Variants in PRKRIP1 observed in about 807,000 individuals in gnomAD.
PRKRIP1 encodes PRKR interacting protein 1.
A neutral mutation model predicts 29.3 loss-of-function variants in PRKRIP1; 29 were observed. That is an observed-to-expected ratio of 0.99 (90% confidence interval 0.74 to 1.35). The LOEUF (loss-of-function observed/expected upper bound fraction) is 1.35, where lower values mean the gene tolerates loss of function less well. Among genes scored for constraint, PRKRIP1 ranks in the 40% most tolerant of loss-of-function variants. The pLI is 0.00. For missense variants in PRKRIP1, 247 were observed against 236.8 expected, an observed-to-expected ratio of 1.04 and a Z score of -0.28; for synonymous variants, 90 against 85.1, an observed-to-expected ratio of 1.06 and a Z score of -0.32.
intron 2 of PRKRIP1, 74 bp downstream of exon 2, chr7:102,397,772 G>C: frequency 6.9e-7 from 1 of 1,444,600 alleles, no homozygotes; most frequent in South Asian, 1.2e-5. Context: ...TAGGCTGGGC[G>C]TGGTGGCTCA....
chr7:102,409,716 C>A (rs887453925), intron 5 of PRKRIP1, among the ~76,000 whole-genome samples: 1 of 151,884 alleles, frequency 6.6e-6, no homozygotes, highest in Non-Finnish European at 1.5e-5. Context: ...CCTATCTAGT[C>A]TGGAGGCTGA....
chr7:102,417,312 G>T (rs1053653259), intron 5 of PRKRIP1, among the ~76,000 whole-genome samples: 1 of 152,112 alleles, frequency 6.6e-6, no homozygotes, highest in Admixed American at 6.6e-5. Context: ...TTACTCTGTA[G>T]AAGAAAGTCG....
chr7:102,421,796 CAA>C (rs781929946), intron 5 of PRKRIP1, among the ~76,000 whole-genome samples: 29 of 124,762 alleles, frequency 2.3e-4, no homozygotes, highest in Admixed American at 4.1e-4. Context: ...ACCCCGTCTC[CAA>C]AAAAAAAAAA....
intron 5 of PRKRIP1, among the ~76,000 whole-genome samples, chr7:102,408,557 G>C (rs1554572125): frequency 1.3e-5 from 2 of 152,106 alleles, no homozygotes; most frequent in African/African-American, 4.8e-5. Flanking sequence ...AGGGTGGGGG[G>C]CCCCAGCTGG....
chr7:102,422,464 C>T (rs1203971596), intron 5 of PRKRIP1, among the ~76,000 whole-genome samples: 1 of 152,076 alleles, frequency 6.6e-6, no homozygotes, highest in Non-Finnish European at 1.5e-5. Flanking sequence ...CTGCCTCAGC[C>T]TCCCAAGTAG....
intron 5 of PRKRIP1, among the ~76,000 whole-genome samples, chr7:102,420,540 T>G (rs1796667092): frequency 2.6e-5 from 4 of 152,200 alleles, no homozygotes; most frequent in Admixed American, 2.6e-4. Context: ...TGTTATGTAT[T>G]TGTTATGTTG....
At chr7:102,404,841 T>C (rs937658806) in intron 4 of PRKRIP1, among the ~76,000 whole-genome samples, 158 bp downstream of exon 4, 1 of 152,140 alleles carries the variant, frequency 6.6e-6, no homozygotes, top group East Asian at 1.9e-4. Flanking sequence ...AAGTTCCTTA[T>C]GACCCTCCAA....
rs1418882920 is a variant in PRKRIP1, at chr7:102,397,628, A to C, written c.135A>C (p.Ala45=). The change falls in exon 2 of 6, where the codon GCA becomes GCC. Residue 45 remains alanine (A), a synonymous_variant. Transcript: ENST00000397912. ...ATGTTTAAATGTTGCAGGACAAAGC[A>C]GTTCCAATTCCAGAGAAAATGAGTG... ...LERLMKNPDK[A]VPIPEKMSEW... is the part of the protein sequence containing the mutation. 6.8e-6 allele frequency: 11 copies of C among 1,613,692 alleles called. No homozygotes were observed. The highest frequency in any genetic ancestry group is 8.5e-6 in the Non-Finnish European group (10 of 1,179,768).
chr7:102,399,442 T>G (rs1388181013), intron 2 of PRKRIP1, 106 bp from the exon 3 acceptor site: 1 of 824,304 alleles, frequency 1.2e-6, no homozygotes, highest in East Asian at 2.4e-5. Context: ...GAAGGCATGG[T>G]CCCTTCCACG....
At chr7:102,404,542 C>T in intron 3 of PRKRIP1, 56 bp from the exon 4 acceptor site, 1 of 1,472,908 alleles carries the variant, frequency 6.8e-7, no homozygotes, top group Non-Finnish European at 9.4e-7. Context: ...CTGAGCAAAA[C>T]CTCCCACAGT....
chr7:102,416,794 C>T (rs1191393298), intron 5 of PRKRIP1, among the ~76,000 whole-genome samples: 5 of 151,924 alleles, frequency 3.3e-5, no homozygotes, highest in Admixed American at 6.6e-5. Flanking sequence ...ATCCTCCTTC[C>T]TCAGCCTCCT....
At chr7:102,416,324 G>A (rs1554573108) in intron 5 of PRKRIP1, among the ~76,000 whole-genome samples, 1 of 152,210 alleles carries the variant, frequency 6.6e-6, no homozygotes, top group East Asian at 1.9e-4. Context: ...AAATTAACCT[G>A]GTACATTGGT....
intron 5 of PRKRIP1, among the ~76,000 whole-genome samples, chr7:102,415,003 G>T (rs1309044670): frequency 1.3e-5 from 2 of 152,148 alleles, no homozygotes; most frequent in Non-Finnish European, 2.9e-5. Flanking sequence ...TTTCCGAAGA[G>T]ATAGCCCCAG....
At chr7:102,416,919 G>A (rs977019294) in intron 5 of PRKRIP1, among the ~76,000 whole-genome samples, 8 of 151,838 alleles carry the variant, frequency 5.3e-5, no homozygotes, top group African/African-American at 9.7e-5. Flanking sequence ...GTGGTGGCGC[G>A]ATCTTGGCTC....
In PRKRIP1 at chr7:102,396,515, T is replaced by C. The variant is rs782362596; in HGVS notation, c.104T>C (p.Leu35Pro). Residue 35 changes from leucine to proline, a missense_variant, in exon 1 of 6, where the codon CTG becomes CCG. Around this residue, in one of 3 missense-constraint regions of PRKRIP1, gnomAD observed 105 missense variants for 80.2 expected, o/e 1.31. Coordinates refer to ENST00000397912, the MANE Select transcript of PRKRIP1 (RefSeq NM_024653.4). Reference sequence around the variant, plus strand: ...GCGGCGGAGGAGCAGAAGCTCAAGCTGGAGCGGCTCATGAAGAACCCGGTG... The same window carrying C: ...GCGGCGGAGGAGCAGAAGCTCAAGCCGGAGCGGCTCATGAAGAACCCGGTG... ...KNAAEEQKLK[L>P]ERLMKNPDKA... The C allele has an allele frequency of 3.1e-6, 5 of 1,609,384 alleles. No individual in the cohort carries two copies.
chr7:102,407,512 A>G lies in PRKRIP1; in HGVS notation c.457+14A>G. 6.3e-7 allele frequency: 1 copy of G among 1,599,392 alleles called. No homozygotes were observed. Among genetic ancestry groups the G allele is most frequent in the Admixed American group, 1.7e-5 (1 of 59,786 alleles). On this transcript the variant is annotated intron_variant, in intron 5 of 5. Coordinates refer to ENST00000397912, the MANE Select transcript of PRKRIP1 (RefSeq NM_024653.4). ...AGAAACAAGAAGGTGAGTGGTGCCC[A>G]CTTTTCTTGGCTGTAGCTTCTTTCT...
intron 3 of PRKRIP1, among the ~76,000 whole-genome samples, chr7:102,401,246 A>G (rs556331495): frequency 6.6e-6 from 1 of 152,336 alleles, no homozygotes; most frequent in East Asian, 1.9e-4. Flanking sequence ...GGTGTGTGAT[A>G]AAGAAAATCC....
At chr7:102,422,380 G>A (rs1333848353) in intron 5 of PRKRIP1, among the ~76,000 whole-genome samples, 4 of 150,752 alleles carry the variant, frequency 2.7e-5, no homozygotes, top group African/African-American at 7.3e-5. Flanking sequence ...TCTTGCCCAG[G>A]CTAGAGTGAA....
At chr7:102,397,596 T>C (rs782808434) in intron 1 of PRKRIP1, 24 bp from the exon 2 acceptor site, 1 of 1,597,066 alleles carries the variant, frequency 6.3e-7, no homozygotes, top group South Asian at 1.1e-5. Context: ...TATACTTAAA[T>C]GCTTTCATGT....
Sources: allele counts gnomAD v4.1 joint callset (sites outside exome capture counted in the v4.1 genomes callset), GRCh38; gene constraint gnomAD v4.1.1; regional missense constraint gnomAD v4.1.1; transcripts MANE v1.5; gene names NCBI Gene and HGNC (gene_info 2026-07-23, HGNC 2026-07-21).